The following C12orf42 variants were observed in gnomAD, a reference collection of about 807,000 sequenced individuals.
C12orf42 encodes uncharacterized protein C12orf42.
C12orf42 carries 25 observed loss-of-function variants against 21.6 expected under a neutral mutation model. That is an observed-to-expected ratio of 1.16 (90% confidence interval 0.84 to 1.62). The LOEUF (loss-of-function observed/expected upper bound fraction) is 1.62. C12orf42 is among the 40% of genes most tolerant of loss of function. C12orf42 has a pLI of 0.00. For missense variants in C12orf42, 483 were observed against 459.3 expected (o/e 1.05, Z -0.47); for synonymous variants, 174 against 175.0 (o/e 0.99, Z 0.05).
At chr12:103,123,888 TG>T in the C12orf42 span, among the ~76,000 whole-genome samples, 1 of 152,012 alleles carries the variant, frequency 6.6e-6, no homozygotes, top group Non-Finnish European at 1.5e-5. Flanking sequence ...ACATTTCTAT[TG>T]GGTAGGACTG....
chr12:103,205,486 G>A, the C12orf42 span, among the ~76,000 whole-genome samples: 1 of 152,090 alleles, frequency 6.6e-6, no homozygotes, highest in African/African-American at 2.4e-5. Flanking sequence ...GGAAAAACTT[G>A]CCCCCATGAT....
chr12:103,538,553 C>T, the C12orf42 span, among the ~76,000 whole-genome samples: 1 of 152,226 alleles, frequency 6.6e-6, no homozygotes, highest in Non-Finnish European at 1.5e-5. Flanking sequence ...ATTATTGCCT[C>T]TGTGGGAACA....
chr12:103,483,933 T>C (rs1370365197), intron 1 of C12orf42, among the ~76,000 whole-genome samples: 17 of 152,208 alleles, frequency 1.1e-4, no homozygotes, highest in Non-Finnish European at 1.5e-5. Context: ...GTCCTTGTGA[T>C]AGTTTGCTGA....
chr12:103,101,229 G>A, the C12orf42 span, among the ~76,000 whole-genome samples: 1 of 152,176 alleles, frequency 6.6e-6, no homozygotes, highest in Non-Finnish European at 1.5e-5. Flanking sequence ...GGGTAGAATG[G>A]TCCACTAGCC....
intron 4 of C12orf42, among the ~76,000 whole-genome samples, chr12:103,329,552 A>G (rs1405917097): frequency 6.6e-6 from 1 of 152,104 alleles, no homozygotes; most frequent in African/African-American, 2.4e-5. Context: ...TAAAATAAAA[A>G]TTAAAATTAA....
the C12orf42 span, among the ~76,000 whole-genome samples, chr12:103,155,544 C>CCT: frequency 6.6e-6 from 1 of 151,844 alleles, no homozygotes; most frequent in Non-Finnish European, 1.5e-5. Flanking sequence ...TGTTTGGAAG[C>CCT]CTCTCTCTCT....
At chr12:103,204,583 C>A in the C12orf42 span, among the ~76,000 whole-genome samples, 2 of 152,118 alleles carry the variant, frequency 1.3e-5, no homozygotes, top group Admixed American at 6.5e-5. Flanking sequence ...ATTTATCTTG[C>A]AAAGCAAATC....
At chr12:103,357,413 A>G (rs1033282102) in intron 4 of C12orf42, among the ~76,000 whole-genome samples, 4 of 152,122 alleles carry the variant, frequency 2.6e-5, no homozygotes, top group Admixed American at 6.5e-5. Context: ...AAAAATAGCA[A>G]TCTAATCCCT....
chr12:103,221,849 G>A, the C12orf42 span, among the ~76,000 whole-genome samples: 1 of 152,160 alleles, frequency 6.6e-6, no homozygotes. Context: ...GAATAGCAAG[G>A]CTGAGGGACA....
At chr12:103,287,381 A>T (rs565600958) in intron 4 of C12orf42, among the ~76,000 whole-genome samples, 1 of 152,354 alleles carries the variant, frequency 6.6e-6, no homozygotes, top group African/African-American at 2.4e-5. Context: ...ACCATAAAAA[A>T]TGATGAGTTC....
chr12:103,323,715 TTCTC>T (rs1343096815), intron 4 of C12orf42, among the ~76,000 whole-genome samples: 1 of 152,260 alleles, frequency 6.6e-6, no homozygotes, highest in Non-Finnish European at 1.5e-5. Flanking sequence ...GAGTATATGT[TTCTC>T]TCTTTCTTCT....
chr12:103,458,884 A>G (rs1436407589), intron 2 of C12orf42, among the ~76,000 whole-genome samples: 1 of 152,136 alleles, frequency 6.6e-6, no homozygotes, highest in Non-Finnish European at 1.5e-5. Context: ...CAGAAAGACT[A>G]GAATAACAGA....
chr12:103,160,639 C>A, the C12orf42 span, among the ~76,000 whole-genome samples: 2 of 152,172 alleles, frequency 1.3e-5, no homozygotes, highest in African/African-American at 4.8e-5. Flanking sequence ...TGCTGAGTAG[C>A]CACTGAACAG....
chr12:103,414,324 A>T (rs1566272005), intron 2 of C12orf42, among the ~76,000 whole-genome samples: 1 of 147,060 alleles, frequency 6.8e-6, no homozygotes, highest in African/African-American at 2.4e-5. Context: ...CCACTTTTTT[A>T]TGGGATTGTT....
intron 2 of C12orf42, among the ~76,000 whole-genome samples, chr12:103,425,255 G>A (rs893247602): frequency 6.6e-5 from 10 of 152,174 alleles, no homozygotes; most frequent in African/African-American, 1.4e-4. Flanking sequence ...GGCTGTGGGC[G>A]TAGCTCCAGC....
chr12:103,259,737 T>C (rs1332535957), intron 10 of C12orf42, among the ~76,000 whole-genome samples: 1 of 152,176 alleles, frequency 6.6e-6, no homozygotes, highest in Non-Finnish European at 1.5e-5. Context: ...ACTTTAAAAA[T>C]TCACACATAC....
chr12:103,171,054 A>G, the C12orf42 span, among the ~76,000 whole-genome samples: 51 of 152,090 alleles, frequency 3.4e-4, no homozygotes, highest in Admixed American at 3.3e-3. Flanking sequence ...TGTTTCTAGG[A>G]TATACCAAGT....
chr12:103,427,809 G>T (rs1949960277), intron 2 of C12orf42, among the ~76,000 whole-genome samples: 1 of 152,176 alleles, frequency 6.6e-6, no homozygotes, highest in African/African-American at 2.4e-5. Context: ...TAGAACTCAG[G>T]ATTAAGAAAC....
In C12orf42 at chr12:103,385,878, A is replaced by G. The variant is rs535728121; in HGVS notation, c.147+15729T>C. Reference sequence around the variant, plus strand: ...GTGATGGATATAAAGAGAACCTCAAAGGAAATTATTCACCTACTTCCCAAA... The same window carrying G: ...GTGATGGATATAAAGAGAACCTCAAGGGAAATTATTCACCTACTTCCCAAA... On this transcript the variant is annotated intron_variant, in intron 3 of 5. Transcript: ENST00000548883. Among the ~76,000 whole-genome samples, 37 of 152,326 alleles carry G rather than the reference A, an allele frequency of 2.4e-4. 1 individual carries two copies. Among genetic ancestry groups the G allele is most frequent in the Middle Eastern group, 3.4e-3 (1 of 294 alleles).
Sources: allele counts gnomAD v4.1 joint callset (sites outside exome capture counted in the v4.1 genomes callset), GRCh38; gene constraint gnomAD v4.1.1; transcripts MANE v1.5; gene names NCBI Gene and HGNC (gene_info 2026-07-23, HGNC 2026-07-21).